ZNF324: variants seen among roughly 807,000 people sequenced by gnomAD.
ZNF324 encodes the protein zinc finger protein 324A.
In ZNF324, 3 loss-of-function variants were observed where a neutral mutation model predicts 10.3. The ratio of observed to expected loss-of-function variants is 0.29; its 90% CI spans 0.13 to 0.75. The LOEUF (loss-of-function observed/expected upper bound fraction) is 0.75. ZNF324 is among the 30% of genes least tolerant of loss of function. The pLI is 0.69. For synonymous variants in ZNF324, 430 were observed against 339.5 expected (o/e 1.27, Z -2.93); for missense variants, 763 against 784.4 (o/e 0.97, Z 0.33).
chr19:58,468,003 G>A (rs1203448935), intron 1 of ZNF324, among the ~76,000 whole-genome samples: 1 of 152,026 alleles, frequency 6.6e-6, no homozygotes, highest in Non-Finnish European at 1.5e-5. Flanking sequence ...AGCAGTGGAG[G>A]TGGGCGACCA....
Position 58,467,125 on chromosome 19 carries a change from C to A in ZNF324, c.-65C>A. Reference sequence around the variant, plus strand: ...CCACACCGGTGGTCTGGGCTGGGGACCGCGGGTCGGGTCCGGTTTCCAGGG... The same window carrying A: ...CCACACCGGTGGTCTGGGCTGGGGAACGCGGGTCGGGTCCGGTTTCCAGGG... On this transcript the variant is annotated 5_prime_UTR_variant, in exon 1 of 4. Coordinates refer to ENST00000196482, the MANE Select transcript of ZNF324 (RefSeq NM_014347.3). 5.6e-6 allele frequency: 1 copy of A among 177,202 alleles called. No homozygotes were observed. The highest frequency in any genetic ancestry group is 1.5e-4 in the East Asian group (1 of 6,740). The allele number at this position is 177,202 out of a possible 1,614,324, so 11.0% of individuals were successfully genotyped here. A position where few individuals can be genotyped will look rare whatever the true frequency, so the allele number is the denominator to read the frequency against.
chr19:58,471,364 G>T lies in ZNF324; in HGVS notation c.872G>T (p.Gly291Val). ...CGGCCCTACGAGTGCGCCCAGTGCGGCAAGGCCTTCAGCCAGACGTCGCAC... is the reference window on the plus strand; with the variant it reads ...CGGCCCTACGAGTGCGCCCAGTGCGTCAAGGCCTTCAGCCAGACGTCGCAC... ...GERPYECAQC[G>V]KAFSQTSHLT... The change falls in exon 4 of 4, where the codon GGC becomes GTC. Residue 291 changes from glycine (G) to valine (V), a missense_variant. Gly to Val is a moderately radical substitution (Grantham distance 109, BLOSUM62 -3). Around this residue, in one of 3 missense-constraint regions of ZNF324, gnomAD observed 153 missense variants for 269.0 expected, o/e 0.57. Coordinates refer to ENST00000196482, the MANE Select transcript of ZNF324 (RefSeq NM_014347.3). The T allele has an allele frequency of 6.2e-7, 1 of 1,614,026 alleles. No homozygotes were observed. The highest frequency in any genetic ancestry group is 8.5e-7 in the Non-Finnish European group (1 of 1,180,010).
At position 58,471,203 on chromosome 19, in the gene ZNF324, C is replaced by T. The variant is rs766939567; in HGVS notation, c.711C>T (p.Gly237=). The change falls in exon 4 of 4, where the codon GGC becomes GGT. Residue 237 remains glycine, a synonymous_variant. Transcript: ENST00000196482. ...AGGAGCCTCATAGACTCCTCGGTGG[C>T]CAGGAGCCCTCGACCTGGGACGAGC... is the stretch of plus-strand genomic sequence containing the variant. ...VWQEPHRLLG[G]QEPSTWDELG... is the part of the protein sequence containing the mutation. 3 of 1,613,248 alleles carry T rather than the reference C, an allele frequency of 1.9e-6. No individual in the cohort carries two copies. Among genetic ancestry groups the T allele is most frequent in the African/African-American group, 1.3e-5 (1 of 74,920 alleles).
chr19:58,468,410 A>G (rs937143511), intron 1 of ZNF324, among the ~76,000 whole-genome samples: 1 of 152,024 alleles, frequency 6.6e-6, no homozygotes, highest in Admixed American at 6.6e-5. Context: ...CACCGGGTGA[A>G]AGGAGGAAGG....
chr19:58,469,821 C>T lies in ZNF324; in HGVS notation c.215C>T (p.Thr72Ile), dbSNP rs2053012084. The change falls in exon 3 of 4, where the codon ACC becomes ATC. Residue 72 changes from threonine to isoleucine, a missense_variant. Coordinates refer to ENST00000196482, the MANE Select transcript of ZNF324 (RefSeq NM_014347.3). ...GGAACGGACACAACCCTGTCCAGGA[C>T]CACCTACAGGAGGCGCAACCCTGGT... ...PSGTDTTLSR[T>I]TYRRRNPGSW... 1.2e-6 allele frequency: 2 copies of T among 1,600,890 alleles called. No homozygotes were observed. The highest frequency in any genetic ancestry group is 2.7e-5 in the African/African-American group (2 of 74,692).
chr19:58,470,208 AG>A (rs2053015928), intron 3 of ZNF324, among the ~76,000 whole-genome samples: 1 of 152,188 alleles, frequency 6.6e-6, no homozygotes, highest in Non-Finnish European at 1.5e-5. Flanking sequence ...CACAGTGGTC[AG>A]GCCCAGTCCA....
chr19:58,472,450 G>C lies in ZNF324; in HGVS notation c.*296G>C, dbSNP rs1307681837. 4.7e-6 allele frequency: 2 copies of C among 429,376 alleles called. No individual in the cohort carries two copies. 26.6% of individuals were successfully genotyped at this position (429,376 alleles called of 1,614,324 possible). A position where few individuals can be genotyped will look rare whatever the true frequency, so the allele number is the denominator to read the frequency against. On this transcript the variant is annotated 3_prime_UTR_variant, in exon 4 of 4. Coordinates refer to ENST00000196482, the MANE Select transcript of ZNF324 (RefSeq NM_014347.3). ...GTAGGAGGCCGACAGTCACAGCACT[G>C]CACTGTGGTGCGGCTTCATGTGATA...
chr19:58,473,667 GTCA>G lies in ZNF324; in HGVS notation c.*1520_*1522del, dbSNP rs2053057774. On this transcript the variant is annotated 3_prime_UTR_variant, in exon 4 of 4. Coordinates refer to ENST00000196482, the MANE Select transcript of ZNF324 (RefSeq NM_014347.3). The stretch of plus-strand genomic sequence containing the variant: ...ATACCCTGACATGCCATCAGCGTTT[GTCA>G]TCATCACAGAAGTTCCTGGACTTGG... 1 of 152,240 alleles carries G rather than the reference GTCA, an allele frequency of 6.6e-6. No homozygotes were observed. Among genetic ancestry groups the G allele is most frequent in the Admixed American group, 6.5e-5 (1 of 15,280 alleles). 9.4% of individuals were successfully genotyped at this position (152,240 alleles called of 1,614,324 possible).
Position 58,472,135 on chromosome 19 carries a change from C to T in ZNF324, c.1643C>T (p.Ser548Leu), listed in dbSNP as rs763173845. ...PTPASGPAAVSQPAEV is the reference protein window; with the variant it reads ...PTPASGPAAVLQPAEV ...CCCGCCTCGGGCCCAGCCGCCGTCT[C>T]GCAGCCAGCGGAGGTCTGAGGTCAC... Residue 548 changes from serine to leucine, a missense_variant, in exon 4 of 4, where the codon TCG (serine) becomes TTG (leucine). Around this residue, in one of 3 missense-constraint regions of ZNF324, gnomAD observed 231 missense variants for 196.0 expected, o/e 1.18. Transcript: ENST00000196482. 5.7e-6 allele frequency: 9 copies of T among 1,584,186 alleles called. No homozygotes were observed. Among genetic ancestry groups the T allele is most frequent in the East Asian group, 2.2e-5 (1 of 44,478 alleles).
In ZNF324 at chr19:58,470,798, A is replaced by C. The variant is rs1599997796; in HGVS notation, c.306A>C (p.Pro102=). 6.2e-7 allele frequency: 1 copy of C among 1,614,080 alleles called. No individual in the cohort carries two copies. Among genetic ancestry groups the C allele is most frequent in the Non-Finnish European group, 8.5e-7 (1 of 1,180,016 alleles). ...GEWPRAFPDT[P]PGMTTSVFPV... ...GGCCACGAGCTTTCCCAGATACCCC[A>C]CCTGGGATGACTACTAGCGTCTTCC... The change falls in exon 4 of 4, where the codon CCA becomes CCC. Residue 102 remains proline (P), a synonymous_variant. Coordinates refer to ENST00000196482, the MANE Select transcript of ZNF324 (RefSeq NM_014347.3).
Position 58,471,178 on chromosome 19 carries a change from A to C in ZNF324, c.686A>C (p.Gln229Pro), listed in dbSNP as rs762772633. ...CATCACCGAATGGGTGCAGTTTGGC[A>C]GGAGCCTCATAGACTCCTCGGTGGC... is the stretch of plus-strand genomic sequence containing the variant. The part of the protein sequence containing the change: ...RGHHRMGAVW[Q>P]EPHRLLGGQE... The change falls in exon 4 of 4, where the codon CAG (glutamine) becomes CCG (proline). Residue 229 changes from glutamine to proline, a missense_variant. Gln to Pro is a moderately conservative substitution (Grantham distance 76). Coordinates refer to ENST00000196482, the MANE Select transcript of ZNF324 (RefSeq NM_014347.3). The C allele has an allele frequency of 1.2e-6, 2 of 1,613,476 alleles. No homozygotes were observed. The highest frequency in any genetic ancestry group is 1.7e-6 in the Non-Finnish European group (2 of 1,179,870).
Position 58,474,679 on chromosome 19 carries a change from G to A in ZNF324, c.*2525G>A, listed in dbSNP as rs901462066. 3 of 152,102 alleles carry A rather than the reference G, an allele frequency of 2.0e-5. No individual in the cohort carries two copies. Among genetic ancestry groups the A allele is most frequent in the Admixed American group, 6.6e-5 (1 of 15,240 alleles). The allele number at this position is 152,102 out of a possible 1,614,324, so 9.4% of individuals were successfully genotyped here. A position where few individuals can be genotyped will look rare whatever the true frequency, so the allele number is the denominator to read the frequency against. The stretch of plus-strand genomic sequence containing the variant: ...GTAGTGACTGTAAAAGTATCCCTGG[G>A]CTTCTATGTCAAAAGGTCAGACTGA... On this transcript the variant is annotated 3_prime_UTR_variant, in exon 4 of 4. Transcript: ENST00000196482.
chr19:58,468,221 G>A, intron 1 of ZNF324: 2 of 985,400 alleles, frequency 2.0e-6, no homozygotes, highest in African/African-American at 1.7e-5. Flanking sequence ...CGTTGTTGGC[G>A]TCCTGGGCTG....
rs187521196 is a variant in ZNF324, at chr19:58,474,933, T to G, written c.*2779T>G. The G allele has an allele frequency of 7.6e-4, 116 of 152,330 alleles. No homozygotes were observed. Among genetic ancestry groups the G allele is most frequent in the Non-Finnish European group, 1.3e-3 (88 of 68,046 alleles). The allele number at this position is 152,330 out of a possible 1,614,324, so 9.4% of individuals were successfully genotyped here. ...GGCTGACTCCAGAACCGCAGAAGGC[T>G]GAGAACCAGCAGCCCAGAGACGGGA... On this transcript the variant is annotated 3_prime_UTR_variant, in exon 4 of 4. Transcript: ENST00000196482.
In ZNF324 at chr19:58,471,441, G is replaced by A. The variant is rs1039107467; in HGVS notation, c.949G>A (p.Val317Met). The change falls in exon 4 of 4, where the codon GTG (valine) becomes ATG (methionine). Residue 317 changes from valine to methionine, a missense_variant. Val to Met is a conservative substitution (Grantham distance 21). This residue lies in a region of ZNF324 where 153 missense variants were observed against 269.0 expected (regional missense o/e 0.57). Coordinates refer to ENST00000196482, the MANE Select transcript of ZNF324 (RefSeq NM_014347.3). ...HSGETPYACP[V>M]CGKAFRHSSS... Reference sequence around the variant, plus strand: ...CGGCGAGACGCCCTACGCGTGCCCCGTGTGCGGCAAGGCCTTCCGGCATAG... The same window carrying A: ...CGGCGAGACGCCCTACGCGTGCCCCATGTGCGGCAAGGCCTTCCGGCATAG... 8 of 1,604,404 alleles carry A rather than the reference G, an allele frequency of 5.0e-6. No homozygotes were observed. The highest frequency in any genetic ancestry group is 2.2e-5 in the East Asian group (1 of 44,582).
rs2053044084 is a variant in ZNF324, at chr19:58,472,306, C to T, written c.*152C>T. 1 of 793,594 alleles carries T rather than the reference C, an allele frequency of 1.3e-6. No individual in the cohort carries two copies. Among genetic ancestry groups the T allele is most frequent in the Non-Finnish European group, 1.9e-6 (1 of 517,790 alleles). 49.2% of individuals were successfully genotyped at this position (793,594 alleles called of 1,614,324 possible). ...CTGTGATTTCATTTGCACGTGGGGA[C>T]AGGATTTGCCAGTTCACCCACAGAT... On this transcript the variant is annotated 3_prime_UTR_variant, in exon 4 of 4. Transcript: ENST00000196482.
Position 58,474,803 on chromosome 19 carries a change from A to G in ZNF324, c.*2649A>G, listed in dbSNP as rs555737575. 1 of 152,470 alleles carries G rather than the reference A, an allele frequency of 6.6e-6. No individual in the cohort carries two copies. The highest frequency in any genetic ancestry group is 2.4e-5 in the African/African-American group (1 of 41,578). 9.4% of individuals were successfully genotyped at this position (152,470 alleles called of 1,614,324 possible). ...GTATGAGGATGGTGACAGAGGAGTC[A>G]GGAGCAATGGCATTCCTAAGCTAGA... On this transcript the variant is annotated 3_prime_UTR_variant, in exon 4 of 4. Transcript: ENST00000196482.
chr19:58,470,931 C>T lies in ZNF324; in HGVS notation c.439C>T (p.Leu147Phe), dbSNP rs1355122364. Reference protein sequence around the residue: ...TGVSVIYWERLLLGSGSGQAS... With the variant: ...TGVSVIYWERFLLGSGSGQAS... ...GGTGTCGGTGATCTACTGGGAGAGG[C>T]TCCTGCTAGGCTCAGGCAGTGGGCA... Residue 147 changes from leucine (L) to phenylalanine (F), a missense_variant, in exon 4 of 4, where the codon CTC becomes TTC. Physicochemically the swap from Leu to Phe is conservative, Grantham distance 22 (BLOSUM62 0). Around this residue, in one of 3 missense-constraint regions of ZNF324, gnomAD observed 379 missense variants for 319.4 expected, o/e 1.19. Coordinates refer to ENST00000196482, the MANE Select transcript of ZNF324 (RefSeq NM_014347.3). 1.2e-6 allele frequency: 2 copies of T among 1,614,244 alleles called. No homozygotes were observed. Among genetic ancestry groups the T allele is most frequent in the African/African-American group, 1.3e-5 (1 of 75,066 alleles).
Position 58,472,119 on chromosome 19 carries a change from G to A in ZNF324, c.1627G>A (p.Gly543Ser). 1 of 1,591,520 alleles carries A rather than the reference G, an allele frequency of 6.3e-7. No individual in the cohort carries two copies. Among genetic ancestry groups the A allele is most frequent in the Non-Finnish European group, 8.5e-7 (1 of 1,169,954 alleles). Residue 543 changes from glycine (G) to serine (S), a missense_variant, in exon 4 of 4, where the codon GGC (glycine) becomes AGC (serine). By Grantham distance (56) the Gly-to-Ser change is moderately conservative. Coordinates refer to ENST00000196482, the MANE Select transcript of ZNF324 (RefSeq NM_014347.3). Reference protein sequence around the residue: ...AKETEPTPASGPAAVSQPAEV With the variant: ...AKETEPTPASSPAAVSQPAEV ...GGAAACCGAGCCCACTCCCGCCTCG[G>A]GCCCAGCCGCCGTCTCGCAGCCAGC...
Sources: gnomAD v4.1 joint callset for allele counts (sites outside exome capture counted in the v4.1 genomes callset) on GRCh38, gnomAD v4.1.1 for gene constraint, gnomAD v4.1.1 regional missense constraint, MANE v1.5 for transcripts, NCBI Gene and HGNC (gene_info 2026-07-23, HGNC 2026-07-21) for gene names.